PCCA: variants seen among roughly 807,000 people sequenced by gnomAD.
PCCA encodes propionyl-CoA carboxylase alpha chain, mitochondrial.
PCCA carries 74 observed loss-of-function variants against 101.3 expected under a neutral mutation model. That is an observed-to-expected ratio of 0.73 (90% confidence interval 0.61 to 0.89). The LOEUF (loss-of-function observed/expected upper bound fraction) is 0.89. Among genes scored for constraint, PCCA ranks in the 40% least tolerant of loss-of-function variants. PCCA has a pLI of 0.00. For missense variants in PCCA, 891 were observed against 907.0 expected (o/e 0.98, Z 0.23); for synonymous variants, 294 against 313.6 (o/e 0.94, Z 0.66).
chr13:100,241,027 AC>A, intron 8 of PCCA, among the ~76,000 whole-genome samples: 1 of 152,224 alleles, frequency 6.6e-6, no homozygotes, highest in Non-Finnish European at 1.5e-5. Flanking sequence ...GTTCTCGCCT[AC>A]CCCCTGGCCT....
At chr13:100,366,158 C>T (rs974197403) in intron 18 of PCCA, among the ~76,000 whole-genome samples, 4 of 152,154 alleles carry the variant, frequency 2.6e-5, no homozygotes, top group African/African-American at 9.7e-5. Flanking sequence ...CCAAGTTGCA[C>T]GGTCATCTAG....
chr13:100,268,461 T>G, intron 10 of PCCA: 1 of 586,088 alleles, frequency 1.7e-6, no homozygotes. Context: ...AAAGGTGATA[T>G]GAACACTTTT....
intron 4 of PCCA, among the ~76,000 whole-genome samples, chr13:100,128,155 T>C (rs976568162): frequency 6.6e-6 from 1 of 152,194 alleles, no homozygotes; most frequent in Admixed American, 6.5e-5. Flanking sequence ...ATAAAGCCAA[T>C]CTTCGGGTTG....
chr13:100,274,334 C>T (rs553849890), intron 12 of PCCA, among the ~76,000 whole-genome samples: 9 of 152,238 alleles, frequency 5.9e-5, no homozygotes, highest in African/African-American at 2.2e-4. Flanking sequence ...CATGGAACTC[C>T]TGTATGATAC....
chr13:100,165,413 T>C (rs1031040619), intron 6 of PCCA, among the ~76,000 whole-genome samples: 3 of 152,188 alleles, frequency 2.0e-5, no homozygotes, highest in Non-Finnish European at 4.4e-5. Flanking sequence ...AATTTGACAG[T>C]ATCTTCCTAA....
At chr13:100,164,538 T>C (rs2054838872) in intron 6 of PCCA, among the ~76,000 whole-genome samples, 2 of 152,218 alleles carry the variant, frequency 1.3e-5, no homozygotes, top group Non-Finnish European at 2.9e-5. Flanking sequence ...CCTGACTCCT[T>C]GACTCTTATG....
intron 6 of PCCA, among the ~76,000 whole-genome samples, chr13:100,174,175 A>G (rs1224836146): frequency 1.3e-5 from 2 of 152,078 alleles, no homozygotes. Flanking sequence ...AGATGTAGAA[A>G]TAATAATATT....
chr13:100,301,541 A>T lies in PCCA; in HGVS notation c.1147A>T (p.Arg383Trp), dbSNP rs1349210992. ...MIRVAKGYPLRHKQADIRING... is the reference protein window; with the variant it reads ...MIRVAKGYPLWHKQADIRING... ...CCGTGTTGCTAAGGGCTACCCTCTC[A>T]GGCACAAACAAGCTGATATTCGCAT... Residue 383 changes from arginine to tryptophan, a missense_variant, in exon 13 of 24, where the codon AGG (arginine) becomes TGG (tryptophan). By Grantham distance (101) the Arg-to-Trp change is moderately radical. Coordinates refer to ENST00000376285, the MANE Select transcript of PCCA (RefSeq NM_000282.4). The T allele has an allele frequency of 1.2e-6, 2 of 1,614,020 alleles. No individual in the cohort carries two copies. Among genetic ancestry groups the T allele is most frequent in the East Asian group, 4.5e-5 (2 of 44,864 alleles).
chr13:100,179,636 A>T (rs1210871208), intron 6 of PCCA, among the ~76,000 whole-genome samples: 1 of 152,166 alleles, frequency 6.6e-6, no homozygotes, highest in Non-Finnish European at 1.5e-5. Flanking sequence ...CCTGTCATCT[A>T]TTGACAATTG....
In PCCA at chr13:100,268,716, T is replaced by C. The variant is rs911990330; in HGVS notation, c.847T>C (p.Leu283=). ...QVLGDKHGNA[L]WLNERECSIQ... ...TCTAGGTGATAAACATGGGAATGCT[T>C]TATGGCTTAATGAAAGAGAGTGCTC... The change falls in exon 11 of 24, where the codon TTA becomes CTA. Residue 283 remains leucine, a synonymous_variant. Transcript: ENST00000376285. The C allele has an allele frequency of 6.2e-7, 1 of 1,614,064 alleles. No individual in the cohort carries two copies. The highest frequency in any genetic ancestry group is 8.5e-7 in the Non-Finnish European group (1 of 1,179,906).
chr13:100,113,868 C>A (rs934792562), intron 4 of PCCA, among the ~76,000 whole-genome samples: 1 of 152,156 alleles, frequency 6.6e-6, no homozygotes, highest in African/African-American at 2.4e-5. Flanking sequence ...CGTGAGCCAC[C>A]ACGCCCGGTT....
At position 100,368,405 on chromosome 13, in the gene PCCA, G is replaced by A. The variant is rs1055787347; in HGVS notation, c.1644-67G>A. On this transcript the variant is annotated intron_variant, in intron 18 of 23. Coordinates refer to ENST00000376285, the MANE Select transcript of PCCA (RefSeq NM_000282.4). ...TTAGCCTGTGCATTTTATATCAAAGGGAAATTAGTTTATTGAGAAATAATA... is the reference window on the plus strand; with the variant it reads ...TTAGCCTGTGCATTTTATATCAAAGAGAAATTAGTTTATTGAGAAATAATA... The A allele has an allele frequency of 2.2e-5, 20 of 899,064 alleles. No individual in the cohort carries two copies. In the Admixed American group the frequency reaches 3.7e-4, roughly 17 times the overall value. 55.7% of individuals were successfully genotyped at this position (899,064 alleles called of 1,614,324 possible). A position where few individuals can be genotyped will look rare whatever the true frequency, so the allele number is the denominator to read the frequency against.
chr13:100,108,163 A>G (rs977763982), intron 2 of PCCA, among the ~76,000 whole-genome samples: 1 of 152,194 alleles, frequency 6.6e-6, no homozygotes, highest in African/African-American at 2.4e-5. Context: ...GGGAAGGGAA[A>G]GGAAGAAGGA....
At chr13:100,212,456 C>T (rs1444045208) in intron 7 of PCCA, among the ~76,000 whole-genome samples, 2 of 152,202 alleles carry the variant, frequency 1.3e-5, no homozygotes, top group Admixed American at 6.5e-5. Context: ...TCTTATCCTT[C>T]ATTCTTTTCC....
At chr13:100,312,222 A>C (rs542373871) in intron 16 of PCCA, among the ~76,000 whole-genome samples, 1 of 152,370 alleles carries the variant, frequency 6.6e-6, no homozygotes, top group Non-Finnish European at 1.5e-5. Flanking sequence ...ATATTAATAT[A>C]GCTTTGTAGG....
At chr13:100,089,267 C>T (rs1593997972) in intron 1 of PCCA, 42 bp downstream of exon 1, 2 of 1,427,970 alleles carry the variant, frequency 1.4e-6, no homozygotes, top group East Asian at 2.9e-5. Context: ...CTTCACTGGG[C>T]TTCTAGCCGT....
intron 4 of PCCA, among the ~76,000 whole-genome samples, chr13:100,136,401 G>A (rs2051175482): frequency 6.6e-6 from 1 of 151,922 alleles, no homozygotes; most frequent in Non-Finnish European, 1.5e-5. Context: ...GGTCAGGCTG[G>A]TCTCAAACTC....
In PCCA at chr13:100,286,621, T is replaced by G. The variant is rs564763743; in HGVS notation, c.1065+13275T>G. Among the ~76,000 whole-genome samples the G allele has an allele frequency of 2.0e-5, 3 of 152,356 alleles. No individual in the cohort carries two copies. In the South Asian group the frequency reaches 6.2e-4, roughly 32 times the overall value. On this transcript the variant is annotated intron_variant, in intron 12 of 23. Transcript: ENST00000376285. ...AACTCATATCTAACAACCCCTCCCCTTGTATTTCCTTACAGCTTTCTTTTC... is the reference window on the plus strand; with the variant it reads ...AACTCATATCTAACAACCCCTCCCCGTGTATTTCCTTACAGCTTTCTTTTC...
In PCCA at chr13:100,511,034, G is replaced by A. The variant is rs188217214; in HGVS notation, c.1900-4393G>A. On this transcript the variant is annotated intron_variant, in intron 21 of 23. Coordinates refer to ENST00000376285, the MANE Select transcript of PCCA (RefSeq NM_000282.4). ...TGTAGCTCAGATATCAGGCGATTGG[G>A]CCCTGTGCAGAAGTAGAGGGAAATT... is the stretch of plus-strand genomic sequence containing the variant. 2.7e-4 allele frequency among the ~76,000 whole-genome samples: 41 copies of A among 152,298 alleles called. 1 individual carries two copies. Among genetic ancestry groups the A allele is most frequent in the Admixed American group, 2.6e-3 (40 of 15,294 alleles).
Sources: gnomAD v4.1 joint callset for allele counts (sites outside exome capture counted in the v4.1 genomes callset) on GRCh38, gnomAD v4.1.1 for gene constraint, MANE v1.5 for transcripts, NCBI Gene and HGNC (gene_info 2026-07-23, HGNC 2026-07-21) for gene names.